The following MIB1 variants were observed in gnomAD, a reference collection of about 807,000 sequenced individuals.
The protein encoded by MIB1 is MIB E3 ubiquitin protein ligase 1.
A neutral mutation model predicts 124.5 loss-of-function variants in MIB1; 278 were observed. The observed-to-expected ratio is 2.23, with a 90% confidence interval of 2.02 to 2.47. The LOEUF (loss-of-function observed/expected upper bound fraction) is 2.47. MIB1 is among the 30% of genes most tolerant of loss of function. MIB1 has a pLI of 0.00. For missense variants in MIB1, 957 were observed against 1,254.4 expected, an observed-to-expected ratio of 0.76 and a Z score of 3.58; for synonymous variants, 446 against 429.4, an observed-to-expected ratio of 1.04 and a Z score of -0.48.
At chr18:21,773,772 G>T in intron 4 of MIB1, 44 bp downstream of exon 4, 2 of 1,172,418 alleles carry the variant, frequency 1.7e-6, no homozygotes, top group Non-Finnish European at 2.5e-6. Flanking sequence ...AATGTTGGAT[G>T]GGTGAATAGC....
chr18:21,719,156 G>A (rs1047834501), intron 1 of MIB1, among the ~76,000 whole-genome samples: 2 of 149,472 alleles, frequency 1.3e-5, no homozygotes, highest in Admixed American at 1.3e-4. Flanking sequence ...CCATTGCACT[G>A]CAACCTGGGC....
upstream of MIB1, among the ~76,000 whole-genome samples, chr18:21,739,342 G>A (rs887259725): frequency 1.3e-5 from 2 of 152,042 alleles, no homozygotes; most frequent in East Asian, 3.9e-4. Flanking sequence ...ATTCACAGCC[G>A]AATTCTACCA....
intron 9 of MIB1, among the ~76,000 whole-genome samples, chr18:21,801,889 G>A (rs1359901016): frequency 6.6e-6 from 1 of 152,046 alleles, no homozygotes; most frequent in Non-Finnish European, 1.5e-5. Context: ...ATCAGCTTGA[G>A]GGTTCCCTTC....
intron 2 of MIB1, among the ~76,000 whole-genome samples, chr18:21,767,442 C>T (rs1309305430): frequency 6.6e-6 from 1 of 152,150 alleles, no homozygotes; most frequent in African/African-American, 2.4e-5. Flanking sequence ...CTGGGTCCCT[C>T]CCTCGACGTG....
chr18:21,776,165 G>A (rs1372957277), intron 4 of MIB1, among the ~76,000 whole-genome samples: 3 of 151,808 alleles, frequency 2.0e-5, no homozygotes, highest in African/African-American at 7.3e-5. Context: ...TTACTTGAGA[G>A]GCTGAGGTGG....
chr18:21,818,979 A>G (rs1005907720), intron 11 of MIB1, among the ~76,000 whole-genome samples: 2 of 152,160 alleles, frequency 1.3e-5, no homozygotes, highest in Non-Finnish European at 2.9e-5. Context: ...TTGTTTTCCA[A>G]CTAGATTTGA....
In MIB1 at chr18:21,868,456, T is replaced by A. The variant is rs2042335451; in HGVS notation, c.*3790T>A. 6.6e-6 allele frequency: 1 copy of A among 152,516 alleles called. No homozygotes were observed. Among genetic ancestry groups the A allele is most frequent in the Admixed American group, 6.5e-5 (1 of 15,272 alleles). 9.4% of individuals were successfully genotyped at this position (152,516 alleles called of 1,614,324 possible). ...GTTAGCAATTAAATTGAGTAGGTTT[T>A]AAATGTCTATTCATTGGAAGGGTTT... On this transcript the variant is annotated 3_prime_UTR_variant, in exon 21 of 21. Coordinates refer to ENST00000261537, the MANE Select transcript of MIB1 (RefSeq NM_020774.4).
chr18:21,841,691 A>G (rs2146503564), intron 13 of MIB1, among the ~76,000 whole-genome samples: 1 of 152,294 alleles, frequency 6.6e-6, no homozygotes, highest in Middle Eastern at 3.4e-3. Context: ...ACATATATTT[A>G]TCATGTGACT....
At chr18:21,728,349 C>T (rs1302351058) in intron 1 of MIB1, among the ~76,000 whole-genome samples, 5 of 152,060 alleles carry the variant, frequency 3.3e-5, no homozygotes, top group Non-Finnish European at 2.9e-5. Flanking sequence ...AAAAATTAGC[C>T]GGGCATGGTT....
intron 9 of MIB1, among the ~76,000 whole-genome samples, chr18:21,801,317 A>T (rs180678465): frequency 6.6e-6 from 1 of 152,198 alleles, no homozygotes; most frequent in East Asian, 1.9e-4. Context: ...TGCCCACAAG[A>T]CACACACATA....
chr18:21,818,908 C>G (rs978881241), intron 11 of MIB1, among the ~76,000 whole-genome samples: 3 of 152,116 alleles, frequency 2.0e-5, no homozygotes, highest in Admixed American at 2.0e-4. Context: ...GTACTCCAGC[C>G]TGAGTGAAAG....
chr18:21,816,984 G>A (rs2041835350), intron 11 of MIB1, among the ~76,000 whole-genome samples: 1 of 151,840 alleles, frequency 6.6e-6, no homozygotes, highest in Non-Finnish European at 1.5e-5. Flanking sequence ...AGAGTGGTGG[G>A]TAGAGAAAGA....
intron 1 of MIB1, among the ~76,000 whole-genome samples, chr18:21,763,083 TA>T (rs1205400338): frequency 6.6e-6 from 1 of 151,856 alleles, no homozygotes; most frequent in East Asian, 1.9e-4. Context: ...TTTTTTTTTT[TA>T]AATGAAGTTT....
chr18:21,724,712 C>CAAAAAAAAA (rs1193584277), intron 1 of MIB1, among the ~76,000 whole-genome samples: 3 of 20,754 alleles, frequency 1.4e-4, no homozygotes, highest in African/African-American at 3.3e-4. Flanking sequence ...CTCCCCCATC[C>CAAAAAAAAA]AAAAAAAAAA....
Position 21,773,633 on chromosome 18 carries a change from A to G in MIB1, c.541A>G (p.Ile181Val). The G allele has an allele frequency of 1.2e-6, 2 of 1,605,910 alleles. No homozygotes were observed. The highest frequency in any genetic ancestry group is 1.7e-6 in the Non-Finnish European group (2 of 1,177,104). The change falls in exon 4 of 21, where the codon ATC becomes GTC. Residue 181 changes from isoleucine to valine, a missense_variant. Physicochemically the swap from Ile to Val is conservative, Grantham distance 29. Coordinates refer to ENST00000261537, the MANE Select transcript of MIB1 (RefSeq NM_020774.4). ...AAAACTATTCTGTTAGGTAACAGAA[A>G]TCCAGGACTGGAGTGCATCAAGCCC... The part of the protein sequence containing the change: ...GNGRRGKVTE[I>V]QDWSASSPHS...
chr18:21,810,234 GAAATT>G (rs1158041322), intron 10 of MIB1, among the ~76,000 whole-genome samples: 1 of 152,006 alleles, frequency 6.6e-6, no homozygotes, highest in African/African-American at 2.4e-5. Flanking sequence ...ATTGCTGAAA[GAAATT>G]AAAGAAGACA....
At chr18:21,744,219 G>C (rs899417897) in intron 1 of MIB1, among the ~76,000 whole-genome samples, 1 of 147,854 alleles carries the variant, frequency 6.8e-6, no homozygotes, top group African/African-American at 2.5e-5. Context: ...TTAATAATCA[G>C]TGTTCACTGA....
chr18:21,827,053 GTTCAGT>G (rs1181007485), intron 12 of MIB1: 1 of 152,090 alleles, frequency 6.6e-6, no homozygotes, highest in Admixed American at 6.6e-5. Context: ...TTGGATGGCA[GTTCAGT>G]TTCATATACT....
chr18:21,852,001 T>C (rs2042184407), intron 17 of MIB1, among the ~76,000 whole-genome samples: 1 of 152,202 alleles, frequency 6.6e-6, no homozygotes, highest in African/African-American at 2.4e-5. Context: ...ACATGTTATA[T>C]AGAAAGGAGA....
Sources: allele counts gnomAD v4.1 joint callset (sites outside exome capture counted in the v4.1 genomes callset), GRCh38; gene constraint gnomAD v4.1.1; transcripts MANE v1.5; gene names NCBI Gene and HGNC (gene_info 2026-07-23, HGNC 2026-07-21).